The following FUS variants were observed in gnomAD, a reference collection of about 807,000 sequenced individuals.
The protein encoded by FUS is RNA-binding protein FUS.
In FUS, 5 loss-of-function variants were observed where a neutral mutation model predicts 82.7. The observed-to-expected ratio is 0.06, with a 90% CI of 0.03 to 0.13. FUS has a LOEUF of 0.13. Ranked by LOEUF, FUS falls within the 10% of genes least tolerant of loss-of-function variation. The pLI is 1.00. For missense variants in FUS, 512 were observed against 707.8 expected, an observed-to-expected ratio of 0.72 and a Z score of 3.14; for synonymous variants, 281 against 247.4, an observed-to-expected ratio of 1.14 and a Z score of -1.27.
chr16:31,191,321 G>T (rs1278056374), intron 14 of FUS, 78 bp from the exon 15 acceptor site: 1 of 1,570,200 alleles, frequency 6.4e-7, no homozygotes, highest in African/African-American at 1.4e-5. Context: ...GGTAGGAGGG[G>T]CAGATAGGAT....
downstream of FUS, chr16:31,194,221 G>C (rs1567483216): frequency 3.8e-6 from 2 of 531,748 alleles, no homozygotes; most frequent in Non-Finnish European, 7.3e-6. Flanking sequence ...AAGGTCTAGG[G>C]TCCAGCCCAT....
chr16:31,191,560 G>A lies in FUS; in HGVS notation c.*122G>A. 2 of 1,042,606 alleles carry A rather than the reference G, an allele frequency of 1.9e-6. No homozygotes were observed. The allele number at this position is 1,042,606 out of a possible 1,614,324, so 64.6% of individuals were successfully genotyped here. On this transcript the variant is annotated 3_prime_UTR_variant, in exon 15 of 15. Coordinates refer to ENST00000254108, the MANE Select transcript of FUS (RefSeq NM_004960.4). ...TTTTTTTGTGTCGGACTATGTAATT[G>A]TAACTATACCTCTGGTTCCCATTAA...
chr16:31,190,930 G>A, intron 13 of FUS, 33 bp from the exon 14 acceptor site: 1 of 1,610,534 alleles, frequency 6.2e-7, no homozygotes, highest in East Asian at 2.2e-5. Context: ...TAGGGGAATG[G>A]GAATATGATA....
intron 7 of FUS, chr16:31,188,118 G>C (rs1224507957): frequency 3.3e-6 from 2 of 607,486 alleles, no homozygotes. Context: ...TCAAGTTACA[G>C]ATCTTAAGGG....
intron 6 of FUS, chr16:31,185,512 A>G (rs1233389845): frequency 1.7e-6 from 1 of 584,036 alleles, no homozygotes; most frequent in East Asian, 3.6e-5. Context: ...TTTCTCTGCA[A>G]GGGAAACCGA....
chr16:31,186,945 TC>T (rs2144121966), intron 7 of FUS, 109 bp downstream of exon 7: 2 of 1,091,186 alleles, frequency 1.8e-6, no homozygotes, highest in East Asian at 2.4e-5. Context: ...TTTTGAGGTG[TC>T]CAGAACCACC....
chr16:31,184,315 A>G lies in FUS; in HGVS notation c.442A>G (p.Ser148Gly). 6.2e-7 allele frequency: 1 copy of G among 1,614,168 alleles called. No individual in the cohort carries two copies. The highest frequency in any genetic ancestry group is 1.3e-5 in the African/African-American group (1 of 75,040). ...GQQQSYGQQQ[S>G]YNPPQGYGQQ... is the part of the protein sequence containing the mutation. ...GCAGCAAAGCTATGGACAGCAGCAA[A>G]GCTATAATCCCCCTCAGGGCTATGG... The change falls in exon 5 of 15, where the codon AGC becomes GGC. Residue 148 changes from serine (S) to glycine (G), a missense_variant. By Grantham distance (56) the Ser-to-Gly change is moderately conservative. This residue lies in a region of FUS where 276 missense variants were observed against 303.3 expected (regional missense o/e 0.91). Coordinates refer to ENST00000254108, the MANE Select transcript of FUS (RefSeq NM_004960.4).
At chr16:31,194,478 T>G (rs754191708), downstream of FUS, 1 of 500,318 alleles carries the variant, frequency 2.0e-6, no homozygotes, top group South Asian at 1.5e-5. Flanking sequence ...TTGTATTTTT[T>G]GTGGAGATGG....
At chr16:31,181,332 G>T (rs1314446207) in intron 1 of FUS, among the ~76,000 whole-genome samples, 1 of 151,900 alleles carries the variant, frequency 6.6e-6, no homozygotes, top group African/African-American at 2.4e-5. Context: ...GTGCTGGGAG[G>T]ATGAGTTGAT....
chr16:31,184,210 T>C lies in FUS; in HGVS notation c.337T>C (p.Tyr113His). 5 of 1,614,104 alleles carry C rather than the reference T, an allele frequency of 3.1e-6. No individual in the cohort carries two copies. The highest frequency in any genetic ancestry group is 4.2e-6 in the Non-Finnish European group (5 of 1,180,010). Residue 113 changes from tyrosine to histidine, a missense_variant and splice_region_variant, in exon 5 of 15, where the codon TAC becomes CAC. Coordinates refer to ENST00000254108, the MANE Select transcript of FUS (RefSeq NM_004960.4). The stretch of plus-strand genomic sequence containing the variant: ...GTGTTTTTTGTTTGTTTTCCCTAGT[T>C]ACGGTAGCAGTTCTCAGAGCAGCAG... Reference protein sequence around the residue: ...QPAPSSTSGSYGSSSQSSSYG... With the variant: ...QPAPSSTSGSHGSSSQSSSYG...
At position 31,182,605 on chromosome 16, in the gene FUS, C is replaced by T; in HGVS notation, c.131C>T (p.Ser44Phe). The T allele has an allele frequency of 6.2e-7, 1 of 1,614,214 alleles. No individual in the cohort carries two copies. The highest frequency in any genetic ancestry group is 8.5e-7 in the Non-Finnish European group (1 of 1,180,034). The change falls in exon 3 of 15, where the codon TCC becomes TTC. Residue 44 changes from serine (S) to phenylalanine (F), a missense_variant. Physicochemically the swap from Ser to Phe is radical, Grantham distance 155. Transcript: ENST00000254108. ...GQQSYSGYSQ[S>F]TDTSGYGQSS... is the part of the protein sequence containing the mutation. ...CAGAGTTACAGTGGTTATAGCCAGT[C>T]CACGGACACTTCAGGCTATGGCCAG...
chr16:31,183,838 C>A lies in FUS; in HGVS notation c.191-20C>A. On this transcript the variant is annotated intron_variant, in intron 3 of 14. Transcript: ENST00000254108. ...TCTTTCCTGGTGGCTTTTGTGACTC[C>A]CTTTTTCTTATCCTGGTAGCAGGCT... is the stretch of plus-strand genomic sequence containing the variant. The A allele has an allele frequency of 6.2e-7, 1 of 1,614,158 alleles. No individual in the cohort carries two copies. The highest frequency in any genetic ancestry group is 1.1e-5 in the South Asian group (1 of 91,076).
At position 31,191,064 on chromosome 16, in the gene FUS, G is replaced by A; in HGVS notation, c.1495G>A (p.Gly499Ser). ...CCGTGGAGGCTTCCGAGGGGGCCGG[G>A]GTGGTGGGGACAGAGGTGGCTTTGG... ...GDRGGFRGGR[G>S]GGDRGGFGPG... The change falls in exon 14 of 15, where the codon GGT becomes AGT. Residue 499 changes from glycine (G) to serine (S), a missense_variant. By Grantham distance (56) the Gly-to-Ser change is moderately conservative (BLOSUM62 0). This residue lies in a region of FUS where 96 missense variants were observed against 120.7 expected (regional missense o/e 0.80). Coordinates refer to ENST00000254108, the MANE Select transcript of FUS (RefSeq NM_004960.4). The A allele has an allele frequency of 1.2e-6, 2 of 1,613,370 alleles. No individual in the cohort carries two copies. The highest frequency in any genetic ancestry group is 1.7e-6 in the Non-Finnish European group (2 of 1,180,012).
chr16:31,190,598 T>A (rs906223231), intron 12 of FUS, 144 bp from the exon 13 acceptor site: 9 of 1,162,468 alleles, frequency 7.7e-6, no homozygotes, highest in Non-Finnish European at 1.0e-5. Context: ...TGATTTTTGT[T>A]CCTGACTCTG....
chr16:31,183,826 C>T, intron 3 of FUS, 32 bp from the exon 4 acceptor site: 3 of 1,614,104 alleles, frequency 1.9e-6, no homozygotes, highest in Non-Finnish European at 2.5e-6. Flanking sequence ...TTCCTGGTGG[C>T]TTTTGTGACT....
intron 3 of FUS, 141 bp from the exon 4 acceptor site, chr16:31,183,717 C>T (rs1411920277): frequency 3.0e-6 from 3 of 992,758 alleles, no homozygotes; most frequent in African/African-American, 1.6e-5. Flanking sequence ...GGGTAACTAT[C>T]TTTGCCTATG....
intron 1 of FUS, among the ~76,000 whole-genome samples, chr16:31,181,701 T>G (rs578209797): frequency 2.4e-4 from 37 of 152,362 alleles, no homozygotes; most frequent in Non-Finnish European, 4.0e-4. Flanking sequence ...TTGGTAGTTC[T>G]GCGACGTTGG....
At chr16:31,189,447 T>TACTATA (rs2079319438) in intron 9 of FUS, among the ~76,000 whole-genome samples, 1 of 152,248 alleles carries the variant, frequency 6.6e-6, no homozygotes, top group South Asian at 2.1e-4. Flanking sequence ...CCTAAACTCT[T>TACTATA]GAGATTTGTA....
chr16:31,183,771 G>A lies in FUS; in HGVS notation c.191-87G>A, dbSNP rs909885404. The A allele has an allele frequency of 4.6e-6, 7 of 1,521,460 alleles. No individual in the cohort carries two copies. In the African/African-American group the frequency reaches 6.8e-5, roughly 15 times the overall value. The allele number at this position is 1,521,460 out of a possible 1,614,324, so 94.2% of individuals were successfully genotyped here. On this transcript the variant is annotated intron_variant, in intron 3 of 14. Transcript: ENST00000254108. ...AGCTTCTGAGAGGCTGGCTTTATGA[G>A]TATAGGTATTATGTTTTCTTTAACC...
Sources: allele counts gnomAD v4.1 joint callset (sites outside exome capture counted in the v4.1 genomes callset), GRCh38; gene constraint gnomAD v4.1.1; regional missense constraint gnomAD v4.1.1; transcripts MANE v1.5; gene names NCBI Gene and HGNC (gene_info 2026-07-23, HGNC 2026-07-21).